RGS13: variants seen among roughly 807,000 people sequenced by gnomAD.
The protein encoded by RGS13 is regulator of G-protein signalling 13.
RGS13 carries 14 observed loss-of-function variants against 19.9 expected under a neutral mutation model. The observed-to-expected ratio is 0.70, with a 90% CI of 0.46 to 1.10. The LOEUF (loss-of-function observed/expected upper bound fraction) is 1.10, where lower values mean the gene tolerates loss of function less well. Ranked by LOEUF, RGS13 falls within the 50% of genes least tolerant of loss-of-function variation. The pLI, the probability that RGS13 is intolerant of heterozygous loss-of-function variation, is 0.00. For synonymous variants in RGS13, 60 were observed against 56.8 expected (o/e 1.06, Z -0.25); for missense variants, 205 against 187.1 (o/e 1.10, Z -0.56).
At chr1:192,643,478 T>A (rs1421830670) in intron 3 of RGS13, among the ~76,000 whole-genome samples, 8 of 152,110 alleles carry the variant, frequency 5.3e-5, no homozygotes, top group Non-Finnish European at 1.0e-4. Flanking sequence ...CTGAGATGAA[T>A]AAACTCTAAC....
intron 5 of RGS13, among the ~76,000 whole-genome samples, chr1:192,655,774 T>C (rs1383336142): frequency 6.6e-6 from 1 of 151,980 alleles, no homozygotes; most frequent in African/African-American, 2.4e-5. Context: ...ATACCATATA[T>C]CCATGCAGTA....
chr1:192,640,893 A>G (rs577642834), intron 3 of RGS13, among the ~76,000 whole-genome samples: 3 of 152,158 alleles, frequency 2.0e-5, no homozygotes, highest in South Asian at 2.1e-4. Flanking sequence ...CTGAAATTCT[A>G]TTGGTTTTCC....
At chr1:192,658,757 A>C in intron 6 of RGS13, 1 of 179,416 alleles carries the variant, frequency 5.6e-6, no homozygotes, top group Non-Finnish European at 1.2e-5. Flanking sequence ...AGAAATAAAA[A>C]GTCTGTTAAG....
chr1:192,641,210 AAGAAAGAAAGAG>A (rs796129339), intron 3 of RGS13, among the ~76,000 whole-genome samples: 1 of 90,916 alleles, frequency 1.1e-5, no homozygotes, highest in East Asian at 4.1e-4. Flanking sequence ...AAAGGAAAGA[AAGAAAGAAAGAG>A]AGAAAGAAAG....
At chr1:192,648,258 C>T (rs749822042) in intron 5 of RGS13, among the ~76,000 whole-genome samples, 9 of 152,154 alleles carry the variant, frequency 5.9e-5, no homozygotes, top group African/African-American at 1.7e-4. Flanking sequence ...AGTAGTAACG[C>T]ATACCATAGC....
At chr1:192,653,998 T>C (rs1663391596) in intron 5 of RGS13, among the ~76,000 whole-genome samples, 1 of 151,926 alleles carries the variant, frequency 6.6e-6, no homozygotes. Context: ...ATATACCTAA[T>C]GTAAATGACG....
chr1:192,637,125 G>A (rs886336616), intron 1 of RGS13, among the ~76,000 whole-genome samples: 1 of 151,800 alleles, frequency 6.6e-6, no homozygotes, highest in Admixed American at 6.6e-5. Context: ...TAATCACTCT[G>A]AGAATTAGAT....
At chr1:192,642,709 C>G (rs1399206273) in intron 3 of RGS13, among the ~76,000 whole-genome samples, 1 of 151,910 alleles carries the variant, frequency 6.6e-6, no homozygotes, top group African/African-American at 2.4e-5. Context: ...ACTCAGCACA[C>G]TCGTGGATAT....
chr1:192,640,993 C>T (rs1206878198), intron 3 of RGS13, among the ~76,000 whole-genome samples: 1 of 151,710 alleles, frequency 6.6e-6, no homozygotes, highest in Non-Finnish European at 1.5e-5. Flanking sequence ...TTTATTGTAA[C>T]GATGCCTCCT....
chr1:192,643,996 C>T lies in RGS13; in HGVS notation c.-4-335C>T, dbSNP rs182057508. 1.8e-3 allele frequency among the ~76,000 whole-genome samples: 268 copies of T among 152,060 alleles called. 1 individual carries two copies. Among genetic ancestry groups the T allele is most frequent in the Middle Eastern group, 0.014 (4 of 294 alleles). ...ATAAGAATTGTCCCAAAAGGGAAGC[C>T]TTGGGAGTTGGTAAATTCGTTATCG... On this transcript the variant is annotated intron_variant, in intron 3 of 6. Transcript: ENST00000391995.
intron 3 of RGS13, among the ~76,000 whole-genome samples, chr1:192,644,072 C>T (rs906625129): frequency 6.6e-6 from 1 of 151,918 alleles, no homozygotes; most frequent in African/African-American, 2.4e-5. Flanking sequence ...TTTTTTGAAC[C>T]TCATTGTTTA....
In RGS13 at chr1:192,658,245, G is replaced by T; in HGVS notation, c.172G>T (p.Asp58Tyr). Residue 58 changes from aspartate to tyrosine, a missense_variant, in exon 6 of 7, where the codon GAC becomes TAC. Transcript: ENST00000391995. Reference protein sequence around the residue: ...YAAYLKMEHSDENIQFWMACE... With the variant: ...YAAYLKMEHSYENIQFWMACE... ...AGCATATTTAAAAATGGAGCACAGT[G>T]ACGAGAATATTCAATTCTGGATGGC... 1.2e-6 allele frequency: 2 copies of T among 1,613,312 alleles called. No homozygotes were observed.
intron 4 of RGS13, chr1:192,645,789 G>A (rs755995878): frequency 2.6e-5 from 4 of 152,020 alleles, no homozygotes; most frequent in Non-Finnish European, 4.4e-5. Context: ...AAAACAAATT[G>A]TATTTCCCAT....
intron 5 of RGS13, among the ~76,000 whole-genome samples, chr1:192,648,519 GA>G (rs1208967349): frequency 3.9e-5 from 6 of 152,096 alleles, no homozygotes; most frequent in Non-Finnish European, 8.8e-5. Context: ...CTCAGTGCAG[GA>G]AAAATAAAGG....
Position 192,659,446 on chromosome 1 carries a change from G to GATTC in RGS13, c.404_407dup (p.Tyr137PhefsTer33). ...AATAGTCTATATGCATATGGAAAGG[G>GATTC]ATTCCTACCCCAGATTTCTAAAGTC... On this transcript the variant is annotated frameshift_variant, in exon 7 of 7. Transcript: ENST00000391995. LOFTEE classifies it high-confidence loss of function. The GATTC allele has an allele frequency of 6.2e-7, 1 of 1,612,896 alleles. No individual in the cohort carries two copies. Among genetic ancestry groups the GATTC allele is most frequent in the Non-Finnish European group, 8.5e-7 (1 of 1,179,362 alleles).
intron 3 of RGS13, among the ~76,000 whole-genome samples, chr1:192,641,284 A>G (rs1189691994): frequency 8.4e-6 from 1 of 118,754 alleles, no homozygotes; most frequent in Non-Finnish European, 2.0e-5. Context: ...GAAAGAAAGA[A>G]AGAAAGAAAG....
At chr1:192,639,416 T>C (rs965673829) in intron 3 of RGS13, among the ~76,000 whole-genome samples, 1 of 152,066 alleles carries the variant, frequency 6.6e-6, no homozygotes, top group African/African-American at 2.4e-5. Flanking sequence ...CCCAACTAAT[T>C]CTAAAGCTGG....
chr1:192,647,424 C>T (rs925221618), intron 4 of RGS13: 1 of 152,038 alleles, frequency 6.6e-6, no homozygotes, highest in African/African-American at 2.4e-5. Context: ...TGGAATGCCC[C>T]CCTTGTAGCA....
intron 3 of RGS13, among the ~76,000 whole-genome samples, chr1:192,639,886 AC>A (rs1663076860): frequency 6.6e-6 from 1 of 152,150 alleles, no homozygotes; most frequent in Non-Finnish European, 1.5e-5. Flanking sequence ...TATACTTCAG[AC>A]CTTAGTGAGT....
Sources: gnomAD v4.1 joint callset for allele counts (sites outside exome capture counted in the v4.1 genomes callset) on GRCh38, gnomAD v4.1.1 for gene constraint, MANE v1.5 for transcripts, NCBI Gene and HGNC (gene_info 2026-07-23, HGNC 2026-07-21) for gene names.